FBXO11: variants seen among roughly 807,000 people sequenced by gnomAD.
FBXO11 encodes the protein F-box protein 11.
A neutral mutation model predicts 117.0 loss-of-function variants in FBXO11; 13 were observed. The observed-to-expected ratio is 0.11, with a 90% CI of 0.07 to 0.18. The LOEUF (loss-of-function observed/expected upper bound fraction) is 0.18. FBXO11 is among the 10% of genes least tolerant of loss of function. The probability of loss-of-function intolerance (pLI) is 1.00; values close to 1 mark genes in which losing one functional copy is unlikely to be tolerated. For missense variants in FBXO11, 767 were observed against 1,164.4 expected, an observed-to-expected ratio of 0.66 and a Z score of 4.97; for synonymous variants, 490 against 380.5, an observed-to-expected ratio of 1.29 and a Z score of -3.35.
intron 1 of FBXO11, among the ~76,000 whole-genome samples, chr2:47,897,638 A>C (rs1677774637): frequency 6.8e-6 from 1 of 147,424 alleles, no homozygotes; most frequent in Non-Finnish European, 1.5e-5. Context: ...CAGAGGTTGC[A>C]GTGAGCCAAG....
intron 1 of FBXO11, among the ~76,000 whole-genome samples, chr2:47,875,606 A>G (rs1675942707): frequency 1.3e-5 from 2 of 152,012 alleles, no homozygotes; most frequent in Non-Finnish European, 2.9e-5. Flanking sequence ...AGATCTCATA[A>G]TGGATGTTAG....
At chr2:47,850,516 G>A (rs1040263149) in intron 1 of FBXO11, among the ~76,000 whole-genome samples, 2 of 152,132 alleles carry the variant, frequency 1.3e-5, no homozygotes, top group African/African-American at 4.8e-5. Flanking sequence ...CATGGTAGAC[G>A]TGCCATTCAA....
intron 1 of FBXO11, among the ~76,000 whole-genome samples, chr2:47,902,222 T>C (rs1359470841): frequency 6.6e-6 from 1 of 152,212 alleles, no homozygotes; most frequent in Non-Finnish European, 1.5e-5. Flanking sequence ...GCGTGAGCCA[T>C]TGCTCTGGGC....
intron 1 of FBXO11, among the ~76,000 whole-genome samples, chr2:47,866,161 T>C (rs1372394478): frequency 6.9e-6 from 1 of 144,318 alleles, no homozygotes; most frequent in Non-Finnish European, 1.5e-5. Flanking sequence ...CAGGAGGAAC[T>C]CCTGAGCCCA....
chr2:47,870,841 A>T (rs1675569877), intron 1 of FBXO11, among the ~76,000 whole-genome samples: 1 of 152,196 alleles, frequency 6.6e-6, no homozygotes, highest in African/African-American at 2.4e-5. Context: ...TGCCACTACA[A>T]ATAATATGGC....
chr2:47,869,428 T>G (rs528187937), intron 1 of FBXO11, among the ~76,000 whole-genome samples: 22 of 152,096 alleles, frequency 1.4e-4, no homozygotes, highest in African/African-American at 5.1e-4. Context: ...AACTCTACAA[T>G]GAAGGAAAGG....
At chr2:47,845,508 G>C (rs1673334696) in intron 1 of FBXO11, among the ~76,000 whole-genome samples, 1 of 152,066 alleles carries the variant, frequency 6.6e-6, no homozygotes, top group Admixed American at 6.6e-5. Context: ...GATCATTCTG[G>C]GAAGATAAGT....
chr2:47,845,644 G>C (rs1673351920), intron 1 of FBXO11, among the ~76,000 whole-genome samples: 1 of 152,044 alleles, frequency 6.6e-6, no homozygotes, highest in African/African-American at 2.4e-5. Context: ...CTATACCTTA[G>C]CTGCCTTATG....
At chr2:47,818,680 G>C in intron 16 of FBXO11, 99 bp downstream of exon 16, 2 of 727,986 alleles carry the variant, frequency 2.7e-6, no homozygotes, top group Admixed American at 2.6e-5. Context: ...TACAATAGGG[G>C]GATAAAGATT....
At chr2:47,827,343 G>A (rs1671832908) in intron 11 of FBXO11, among the ~76,000 whole-genome samples, 3 of 152,250 alleles carry the variant, frequency 2.0e-5, no homozygotes. Flanking sequence ...CAGAGTGTCT[G>A]TCGCCCAGGC....
At chr2:47,832,047 C>G (rs569673686) in intron 11 of FBXO11, among the ~76,000 whole-genome samples, 1 of 152,214 alleles carries the variant, frequency 6.6e-6, no homozygotes, top group African/African-American at 2.4e-5. Context: ...TTCTTTAAAA[C>G]AGAAAGCTTT....
At chr2:47,817,392 T>C (rs1671079259) in intron 16 of FBXO11, among the ~76,000 whole-genome samples, 1 of 152,200 alleles carries the variant, frequency 6.6e-6, no homozygotes, top group African/African-American at 2.4e-5. Flanking sequence ...TTTTTTGTTA[T>C]TATTTTATTT....
chr2:47,864,514 G>T (rs763301558), intron 1 of FBXO11, among the ~76,000 whole-genome samples: 2 of 152,204 alleles, frequency 1.3e-5, no homozygotes, highest in African/African-American at 2.4e-5. Context: ...TTGAACCCGG[G>T]AGGCAGAGGT....
Position 47,810,337 on chromosome 2 carries a change from T to C in FBXO11, c.2317A>G (p.Ile773Val). Residue 773 changes from isoleucine to valine, a missense_variant, in exon 19 of 23, where the codon ATA (isoleucine) becomes GTA (valine). Transcript: ENST00000403359. ...NSHPILRKNR[I>V]FDGFAAGIEI... ...AAACCTGCGGCAAATCCATCAAATA[T>C]TCTGTTTTTCCTTAAGATTGGATGA... is the stretch of plus-strand genomic sequence containing the variant. The C allele has an allele frequency of 6.2e-7, 1 of 1,607,788 alleles. No individual in the cohort carries two copies. The highest frequency in any genetic ancestry group is 8.5e-7 in the Non-Finnish European group (1 of 1,177,382).
intron 12 of FBXO11, 50 bp from the exon 13 acceptor site, chr2:47,822,353 T>G: frequency 8.1e-7 from 1 of 1,234,338 alleles, no homozygotes; most frequent in Non-Finnish European, 1.2e-6. Context: ...CAGCCAAACT[T>G]ACTTGTTTTA....
At chr2:47,851,943 C>G (rs1673895105) in intron 1 of FBXO11, among the ~76,000 whole-genome samples, 2 of 151,412 alleles carry the variant, frequency 1.3e-5, no homozygotes, top group South Asian at 4.2e-4. Context: ...GTGCGTCTAT[C>G]TTGGGCAGGG....
At chr2:47,828,155 A>T (rs1671905252) in intron 11 of FBXO11, among the ~76,000 whole-genome samples, 1 of 152,006 alleles carries the variant, frequency 6.6e-6, no homozygotes, top group African/African-American at 2.4e-5. Flanking sequence ...AATTTTTAGA[A>T]TATTTCTTTA....
chr2:47,858,190 C>G (rs1362044897), intron 1 of FBXO11, among the ~76,000 whole-genome samples: 1 of 151,864 alleles, frequency 6.6e-6, no homozygotes, highest in African/African-American at 2.4e-5. Flanking sequence ...ACTGCAACCT[C>G]TGTCTCCCAA....
At position 47,905,726 on chromosome 2, in the gene FBXO11, G is replaced by A. The variant is rs371153910; in HGVS notation, c.-6C>T. ...GCGGCTCGGACGGAGTTCATTTGCCGGGCTGAGGTGGCGGCGTTGGCGGAG... is the reference window on the plus strand; with the variant it reads ...GCGGCTCGGACGGAGTTCATTTGCCAGGCTGAGGTGGCGGCGTTGGCGGAG... On this transcript the variant is annotated 5_prime_UTR_variant, in exon 1 of 23. Transcript: ENST00000403359. 533 of 1,524,644 alleles carry A rather than the reference G, an allele frequency of 3.5e-4. 3 individuals are homozygous for A. The highest frequency in any genetic ancestry group is 2.4e-4 in the Admixed American group (12 of 50,440). 94.4% of individuals were successfully genotyped at this position (1,524,644 alleles called of 1,614,324 possible).
Sources: gnomAD v4.1 joint callset for allele counts (sites outside exome capture counted in the v4.1 genomes callset) on GRCh38, gnomAD v4.1.1 for gene constraint, MANE v1.5 for transcripts, NCBI Gene and HGNC (gene_info 2026-07-23, HGNC 2026-07-21) for gene names.